Variants in PAH observed in about 807,000 individuals in gnomAD.
PAH encodes phenylalanine-4-hydroxylase.
In PAH, 64 loss-of-function variants were observed where a neutral mutation model predicts 62.0. The ratio of observed to expected loss-of-function variants is 1.03; its 90% CI spans 0.84 to 1.27. The LOEUF (loss-of-function observed/expected upper bound fraction) is 1.27, where lower values mean the gene tolerates loss of function less well. Ranked by LOEUF, PAH falls within the 50% of genes most tolerant of loss-of-function variation. The probability of loss-of-function intolerance (pLI) is 0.00; values close to 1 mark genes in which losing one functional copy is unlikely to be tolerated. For missense variants in PAH, 579 were observed against 542.8 expected (o/e 1.07, Z -0.66); for synonymous variants, 195 against 196.2 (o/e 0.99, Z 0.05).
At chr12:102,840,608 G>C (rs1874553959) in intron 11 of PAH, 93 bp from the exon 12 acceptor site, 2 of 867,220 alleles carry the variant, frequency 2.3e-6, no homozygotes, top group Non-Finnish European at 4.0e-6. Flanking sequence ...TCTTTTTTAG[G>C]AACACGGACA....
intron 4 of PAH, among the ~76,000 whole-genome samples, chr12:102,869,523 A>G (rs1242199085): frequency 6.6e-6 from 1 of 152,222 alleles, no homozygotes; most frequent in Non-Finnish European, 1.5e-5. Flanking sequence ...AGTATTAAAT[A>G]TCCATCTCAA....
At chr12:102,861,105 C>A (rs1875695864) in intron 5 of PAH, among the ~76,000 whole-genome samples, 1 of 152,092 alleles carries the variant, frequency 6.6e-6, no homozygotes. Flanking sequence ...GGATAATATC[C>A]AGAATCTACA....
rs924673108 is a variant in PAH at position 102,891,786 on chromosome 12, C to T, written c.352+2949G>A. On this transcript the variant is annotated intron_variant, in intron 3 of 12. Transcript: ENST00000553106. ...TTTCTGAGCCTCCAGTTCAGGCTGC[C>T]GGCTCTCCAGCTGGTTTACTATATA... Among the ~76,000 whole-genome samples, 48 of 152,106 alleles carry T rather than the reference C, an allele frequency of 3.2e-4. 1 individual carries two copies. The highest frequency in any genetic ancestry group is 1.1e-3 in the Admixed American group (17 of 15,282).
chr12:102,841,464 T>C (rs1173603151), intron 11 of PAH, among the ~76,000 whole-genome samples: 1 of 152,158 alleles, frequency 6.6e-6, no homozygotes, highest in Non-Finnish European at 1.5e-5. Flanking sequence ...TGCCTCTGTC[T>C]ATTATGGCCC....
At chr12:102,907,889 A>G (rs892370719) in intron 2 of PAH, among the ~76,000 whole-genome samples, 6 of 152,110 alleles carry the variant, frequency 3.9e-5, no homozygotes, top group Non-Finnish European at 7.4e-5. Context: ...AAGTGCTGGG[A>G]CTACAGGTGT....
chr12:102,903,371 A>AAC (rs1555208705), intron 2 of PAH, among the ~76,000 whole-genome samples: 1 of 132,586 alleles, frequency 7.5e-6, no homozygotes, highest in East Asian at 2.0e-4. Flanking sequence ...AAAAAAAAAA[A>AAC]ACACACACAC....
At chr12:102,958,083 T>G in intron 1 of PAH, 105 of 459,628 alleles carry the variant, frequency 2.3e-4, no homozygotes, top group Non-Finnish European at 2.4e-4. Flanking sequence ...CTCCCGGGGA[T>G]TTTGTATATA....
intron 1 of PAH, chr12:102,913,891 T>TA: frequency 1.4e-6 from 1 of 700,372 alleles, no homozygotes; most frequent in Non-Finnish European, 2.6e-6. Flanking sequence ...AAATAATACA[T>TA]AAAATTCTAT....
At chr12:102,934,967 A>G (rs1879044978) in intron 1 of PAH, among the ~76,000 whole-genome samples, 2 of 152,004 alleles carry the variant, frequency 1.3e-5, no homozygotes, top group South Asian at 4.1e-4. Flanking sequence ...CATCCTTGTT[A>G]TTTTCCAGAC....
chr12:102,872,113 A>G (rs1235445829), intron 4 of PAH, among the ~76,000 whole-genome samples: 1 of 151,860 alleles, frequency 6.6e-6, no homozygotes, highest in Non-Finnish European at 1.5e-5. Context: ...AATCACTTCA[A>G]AGTAGATGCT....
intron 5 of PAH, among the ~76,000 whole-genome samples, chr12:102,859,373 A>G (rs993247206): frequency 6.6e-6 from 1 of 152,228 alleles, no homozygotes; most frequent in African/African-American, 2.4e-5. Context: ...AGATGGATTC[A>G]TAGCCGAATT....
chr12:102,925,678 C>T (rs1044296162), intron 1 of PAH, among the ~76,000 whole-genome samples: 10 of 152,080 alleles, frequency 6.6e-5, no homozygotes, highest in Admixed American at 2.6e-4. Flanking sequence ...TGGCATCCTT[C>T]GTTTTAGTCT....
At chr12:102,852,534 G>A (rs1051895661) in intron 7 of PAH, among the ~76,000 whole-genome samples, 6 of 152,156 alleles carry the variant, frequency 3.9e-5, no homozygotes, top group Non-Finnish European at 7.3e-5. Flanking sequence ...TTGCAACTTC[G>A]TAGCTTTGAC....
chr12:102,941,470 C>T (rs775450512), intron 1 of PAH, among the ~76,000 whole-genome samples: 4 of 152,082 alleles, frequency 2.6e-5, no homozygotes, highest in Admixed American at 6.5e-5. Context: ...AAAGATCTAT[C>T]AAGCAAATGG....
intron 3 of PAH, among the ~76,000 whole-genome samples, chr12:102,879,545 C>G (rs1876730369): frequency 6.6e-6 from 1 of 150,874 alleles, no homozygotes; most frequent in Admixed American, 6.6e-5. Flanking sequence ...AACCTAGGCT[C>G]TCTACCACCC....
At chr12:102,908,779 C>T (rs1041199346) in intron 2 of PAH, among the ~76,000 whole-genome samples, 3 of 151,496 alleles carry the variant, frequency 2.0e-5, no homozygotes, top group Non-Finnish European at 4.4e-5. Flanking sequence ...TATCTAAAGT[C>T]CTTTGTCTGT....
chr12:102,855,053 C>G, intron 6 of PAH, 83 bp downstream of exon 6: 5 of 1,118,144 alleles, frequency 4.5e-6, no homozygotes, highest in Non-Finnish European at 6.8e-6. Flanking sequence ...CTTGCCTCCA[C>G]ATACTTGTCT....
intron 1 of PAH, among the ~76,000 whole-genome samples, chr12:102,927,334 T>A: frequency 6.6e-6 from 1 of 150,640 alleles, no homozygotes; most frequent in East Asian, 2.0e-4. Context: ...GTGGGCATCC[T>A]TCCTTGGCCC....
At chr12:102,882,401 C>A (rs891488866) in intron 3 of PAH, among the ~76,000 whole-genome samples, 5 of 152,096 alleles carry the variant, frequency 3.3e-5, no homozygotes, top group African/African-American at 1.2e-4. Flanking sequence ...GTTATTACAT[C>A]TCTTTGTGCC....
Sources: allele counts gnomAD v4.1 joint callset (sites outside exome capture counted in the v4.1 genomes callset), GRCh38; gene constraint gnomAD v4.1.1; transcripts MANE v1.5; gene names NCBI Gene and HGNC (gene_info 2026-07-23, HGNC 2026-07-21).